Variants in CLSTN2 observed in about 807,000 individuals in gnomAD.
The protein encoded by CLSTN2 is calsyntenin-2.
CLSTN2 carries 48 observed loss-of-function variants against 101.2 expected under a neutral mutation model. That is an observed-to-expected ratio of 0.47 (90% CI 0.38 to 0.60). CLSTN2 has a LOEUF of 0.60. CLSTN2 is among the 20% of genes least tolerant of loss of function. The pLI is 0.00. For synonymous variants in CLSTN2, 481 were observed against 463.6 expected (o/e 1.04, Z -0.48); for missense variants, 1,160 against 1,238.2 (o/e 0.94, Z 0.95).
chr3:140,565,271 C>A (rs927268451), intron 16 of CLSTN2, among the ~76,000 whole-genome samples: 2 of 152,026 alleles, frequency 1.3e-5, no homozygotes, highest in Non-Finnish European at 2.9e-5. Flanking sequence ...TAGGGGAGAC[C>A]TTGAAGAGTG....
intron 2 of CLSTN2, among the ~76,000 whole-genome samples, chr3:140,207,577 C>T (rs1294590333): frequency 1.8e-4 from 28 of 152,074 alleles, no homozygotes; most frequent in Admixed American, 1.8e-3. Context: ...GTTCAAAACA[C>T]CTGTGAGGAT....
intron 1 of CLSTN2, among the ~76,000 whole-genome samples, chr3:140,005,903 C>A (rs2006943361): frequency 6.6e-6 from 1 of 152,176 alleles, no homozygotes; most frequent in African/African-American, 2.4e-5. Flanking sequence ...AAGGTGCCAA[C>A]CCACACATGC....
intron 1 of CLSTN2, among the ~76,000 whole-genome samples, chr3:139,939,343 A>G (rs972743414): frequency 1.3e-5 from 2 of 152,204 alleles, no homozygotes; most frequent in African/African-American, 4.8e-5. Context: ...ATTCTATGAG[A>G]GGGTAAATGA....
intron 1 of CLSTN2, among the ~76,000 whole-genome samples, chr3:139,982,746 T>A (rs897915274): frequency 3.9e-5 from 6 of 152,138 alleles, no homozygotes; most frequent in Admixed American, 2.0e-4. Context: ...GTAATGTGCA[T>A]GTAACCTGAA....
chr3:140,203,461 G>GTTTT lies in CLSTN2; in HGVS notation c.232+27415_232+27418dup, dbSNP rs58182333. On this transcript the variant is annotated intron_variant, in intron 2 of 16. Coordinates refer to ENST00000458420, the MANE Select transcript of CLSTN2 (RefSeq NM_022131.3). ...GAAGAGGGGTTAAGAGAAAGTGTGG[G>GTTTT]TTTTTTTTTTTTTTTTTTTTTTTTT... is the stretch of plus-strand genomic sequence containing the variant. 2.8e-3 allele frequency among the ~76,000 whole-genome samples: 193 copies of GTTTT among 67,908 alleles called. 3 individuals carry two copies. Among genetic ancestry groups the GTTTT allele is most frequent in the South Asian group, 5.7e-3 (8 of 1,392 alleles). 44.6% of individuals were successfully genotyped at this position (67,908 alleles called of 152,430 possible).
At chr3:140,108,480 A>G (rs1321881883) in intron 1 of CLSTN2, among the ~76,000 whole-genome samples, 2 of 152,202 alleles carry the variant, frequency 1.3e-5, no homozygotes, top group African/African-American at 4.8e-5. Flanking sequence ...CTTTCCAGGC[A>G]TGTTCCTTAC....
chr3:140,184,394 C>A (rs1448818516), intron 2 of CLSTN2, among the ~76,000 whole-genome samples: 1 of 152,064 alleles, frequency 6.6e-6, no homozygotes, highest in Non-Finnish European at 1.5e-5. Flanking sequence ...GGGAAGCAGA[C>A]ATGTGGTAGC....
chr3:140,434,497 A>T (rs1269218897), intron 5 of CLSTN2, among the ~76,000 whole-genome samples: 4 of 152,246 alleles, frequency 2.6e-5, no homozygotes, highest in African/African-American at 2.4e-5. Context: ...AATACAGGGC[A>T]GTCAGGGCAC....
At chr3:140,445,996 G>T (rs561873565) in intron 5 of CLSTN2, among the ~76,000 whole-genome samples, 2 of 139,400 alleles carry the variant, frequency 1.4e-5, no homozygotes, top group East Asian at 4.3e-4. Flanking sequence ...AGGACACATG[G>T]AGGAGGTGGC....
intron 1 of CLSTN2, among the ~76,000 whole-genome samples, chr3:140,042,694 C>T (rs2007786330): frequency 6.6e-6 from 1 of 152,130 alleles, no homozygotes; most frequent in Admixed American, 6.5e-5. Context: ...CCATGACAGG[C>T]CCCGGTGTGT....
intron 2 of CLSTN2, among the ~76,000 whole-genome samples, chr3:140,289,382 T>G (rs1293690358): frequency 6.6e-6 from 1 of 152,008 alleles, no homozygotes; most frequent in Admixed American, 6.6e-5. Flanking sequence ...GGAGAGGAGC[T>G]GTATTCCCTG....
chr3:140,412,079 A>G (rs2088371116), intron 4 of CLSTN2, among the ~76,000 whole-genome samples: 1 of 152,204 alleles, frequency 6.6e-6, no homozygotes, highest in African/African-American at 2.4e-5. Context: ...GCAATGGTGC[A>G]ATCTAGGCTC....
In CLSTN2 at chr3:140,069,059, C is replaced by A. The variant is rs16849790; in HGVS notation, c.110-106892C>A. ...CTTATTTTTGTCTACATCTTGCAGA[C>A]AAGAAAGCTAAGGCTTGGGAAATGT... On this transcript the variant is annotated intron_variant, in intron 1 of 16. Coordinates refer to ENST00000458420, the MANE Select transcript of CLSTN2 (RefSeq NM_022131.3). Among the ~76,000 whole-genome samples, 592 of 152,250 alleles carry A rather than the reference C, an allele frequency of 3.9e-3. 6 individuals carry two copies. Among genetic ancestry groups the A allele is most frequent in the African/African-American group, 0.014 (563 of 41,552 alleles).
chr3:140,363,465 G>T (rs1018430450), intron 2 of CLSTN2, among the ~76,000 whole-genome samples: 1 of 152,138 alleles, frequency 6.6e-6, no homozygotes, highest in African/African-American at 2.4e-5. Context: ...ACTTACAGTA[G>T]GTTAATTTTA....
chr3:140,159,796 TGTG>T (rs1405539828), intron 1 of CLSTN2, among the ~76,000 whole-genome samples: 1 of 152,054 alleles, frequency 6.6e-6, no homozygotes, highest in Non-Finnish European at 1.5e-5. Context: ...GATAAAGAAA[TGTG>T]GTACATATAT....
chr3:140,322,265 G>A (rs1198561392), intron 2 of CLSTN2, among the ~76,000 whole-genome samples: 1 of 152,228 alleles, frequency 6.6e-6, no homozygotes, highest in Non-Finnish European at 1.5e-5. Flanking sequence ...CACTGAGATG[G>A]AAACCAACAC....
At chr3:140,529,586 G>A (rs1935213316) in intron 8 of CLSTN2, among the ~76,000 whole-genome samples, 1 of 152,240 alleles carries the variant, frequency 6.6e-6, no homozygotes. Context: ...AGTTCTAGCA[G>A]AGGGTCAATG....
chr3:140,175,099 C>T (rs1023336538), intron 1 of CLSTN2, among the ~76,000 whole-genome samples: 2 of 152,138 alleles, frequency 1.3e-5, no homozygotes, highest in African/African-American at 4.8e-5. Context: ...CTAATCATAT[C>T]GGATGCGGAA....
At position 140,289,714 on chromosome 3, in the gene CLSTN2, C is replaced by T. The variant is rs556057551; in HGVS notation, c.232+113641C>T. Among the ~76,000 whole-genome samples the T allele has an allele frequency of 5.3e-5, 8 of 152,164 alleles. No homozygotes were observed. In the South Asian group the frequency reaches 1.7e-3, roughly 32 times the overall value. On this transcript the variant is annotated intron_variant, in intron 2 of 16. Transcript: ENST00000458420. ...TGCATGCACACACAAAAAGATACAT[C>T]TGTATGAGGGCTCAGAGTTCAGTAA...
Sources: allele counts gnomAD v4.1 joint callset (sites outside exome capture counted in the v4.1 genomes callset), GRCh38; gene constraint gnomAD v4.1.1; transcripts MANE v1.5; gene names NCBI Gene and HGNC (gene_info 2026-07-23, HGNC 2026-07-21).